NTRK2: variants seen among roughly 807,000 people sequenced by gnomAD.
The protein encoded by NTRK2 is BDNF/NT-3 growth factors receptor.
Under a neutral mutation model 94.5 loss-of-function variants are expected in NTRK2, and 13 were observed. The observed-to-expected ratio is 0.14, with a 90% confidence interval of 0.09 to 0.22. The LOEUF (loss-of-function observed/expected upper bound fraction) is 0.22, where lower values mean the gene tolerates loss of function less well. NTRK2 is among the 10% of genes least tolerant of loss of function. The pLI, the probability that NTRK2 is intolerant of heterozygous loss-of-function variation, is 1.00. For missense variants in NTRK2, 639 were observed against 1,071.2 expected (o/e 0.60, Z 5.63); for synonymous variants, 372 against 407.4 (o/e 0.91, Z 1.05).
At chr9:85,004,712 ATCT>A (rs1830768736) in intron 17 of NTRK2, among the ~76,000 whole-genome samples, 1 of 152,194 alleles carries the variant, frequency 6.6e-6, no homozygotes, top group Non-Finnish European at 1.5e-5. Flanking sequence ...GGGCTATGAG[ATCT>A]TCTCTCTTCT....
chr9:85,021,187 A>C, intron 18 of NTRK2, 65 bp from the exon 19 acceptor site: 2 of 1,444,810 alleles, frequency 1.4e-6, no homozygotes, highest in South Asian at 1.2e-5. Flanking sequence ...GTTTTTTTGC[A>C]CTGACATTTC....
At chr9:84,729,288 A>G (rs552535543) in intron 9 of NTRK2, among the ~76,000 whole-genome samples, 168 of 152,346 alleles carry the variant, frequency 1.1e-3, no homozygotes, top group African/African-American at 3.6e-3. Flanking sequence ...TGATTTATAA[A>G]CAGTAGCCCT....
chr9:84,846,254 A>G (rs1168091393), intron 12 of NTRK2, among the ~76,000 whole-genome samples: 1 of 152,196 alleles, frequency 6.6e-6, no homozygotes, highest in Non-Finnish European at 1.5e-5. Context: ...GAAAGTACAT[A>G]TTTTCGTATT....
chr9:84,896,012 C>G (rs1397086620), intron 14 of NTRK2, among the ~76,000 whole-genome samples: 1 of 152,202 alleles, frequency 6.6e-6, no homozygotes. Flanking sequence ...GAGTAAGCCT[C>G]TCACCCTCTC....
At chr9:84,830,515 G>A (rs1340833062) in intron 12 of NTRK2, among the ~76,000 whole-genome samples, 3 of 150,874 alleles carry the variant, frequency 2.0e-5, no homozygotes, top group Admixed American at 6.6e-5. Flanking sequence ...GTGAGCATGC[G>A]TGTATGTGTA....
intron 9 of NTRK2, among the ~76,000 whole-genome samples, chr9:84,733,701 C>G (rs767460492): frequency 7.9e-5 from 12 of 152,196 alleles, no homozygotes; most frequent in Non-Finnish European, 1.2e-4. Context: ...TGTAAGACAT[C>G]AGCTTCTCAT....
intron 9 of NTRK2, among the ~76,000 whole-genome samples, chr9:84,733,130 C>A (rs78249653): frequency 1.3e-5 from 2 of 152,150 alleles, no homozygotes; most frequent in Non-Finnish European, 2.9e-5. Flanking sequence ...CTGAGCCATC[C>A]GTTTGCAGAG....
chr9:84,797,722 AT>A (rs2069666886), intron 12 of NTRK2, among the ~76,000 whole-genome samples: 2 of 81,382 alleles, frequency 2.5e-5, no homozygotes, highest in East Asian at 3.1e-4. Flanking sequence ...TAATATATAT[AT>A]TATATATTAT....
At chr9:84,689,254 G>A (rs571568178) in intron 2 of NTRK2, among the ~76,000 whole-genome samples, 1 of 152,334 alleles carries the variant, frequency 6.6e-6, no homozygotes, top group Non-Finnish European at 1.5e-5. Context: ...TGTAAATGGC[G>A]CTGGTTCCCT....
chr9:84,986,217 T>C (rs1224605430), intron 17 of NTRK2, among the ~76,000 whole-genome samples: 2 of 152,122 alleles, frequency 1.3e-5, no homozygotes, highest in Admixed American at 1.3e-4. Context: ...CCCTGCTCCA[T>C]ATTCAGACTG....
At chr9:84,669,473 C>T (rs200642995), upstream of NTRK2, 187 of 152,614 alleles carry the variant, frequency 1.2e-3, no homozygotes, top group Non-Finnish European at 2.3e-3. This position sits in a 1 kb window ranked among gnomAD's most constrained non-coding sequence, Gnocchi z 4.1. Flanking sequence ...CACGCACGCG[C>T]GTGCATGTCT....
chr9:84,924,079 G>A, intron 14 of NTRK2, among the ~76,000 whole-genome samples: 1 of 152,026 alleles, frequency 6.6e-6, no homozygotes. Context: ...TGGCGTGGTG[G>A]CACGCATCTG....
chr9:84,817,604 C>A (rs911996042), intron 12 of NTRK2, among the ~76,000 whole-genome samples: 6 of 152,140 alleles, frequency 3.9e-5, no homozygotes, highest in Non-Finnish European at 8.8e-5. Context: ...ATTCAGATTT[C>A]TTTTTATCAT....
intron 12 of NTRK2, among the ~76,000 whole-genome samples, chr9:84,806,240 T>A (rs1350949316): frequency 3.9e-5 from 6 of 152,034 alleles, no homozygotes; most frequent in African/African-American, 1.2e-4. Context: ...CAAAAGAAGG[T>A]CCATGAGTGG....
chr9:85,011,328 G>A (rs1238380288), intron 17 of NTRK2, among the ~76,000 whole-genome samples: 3 of 152,148 alleles, frequency 2.0e-5, no homozygotes, highest in African/African-American at 7.2e-5. Context: ...CCTGAACTGT[G>A]CCAGAATCAG....
intron 12 of NTRK2, among the ~76,000 whole-genome samples, chr9:84,780,756 T>C (rs2067485660): frequency 6.6e-6 from 1 of 152,228 alleles, no homozygotes; most frequent in Admixed American, 6.5e-5. Context: ...TGGTCCATAG[T>C]TCCTACTTGA....
chr9:85,007,115 A>C (rs969621084), intron 17 of NTRK2, among the ~76,000 whole-genome samples: 10 of 152,240 alleles, frequency 6.6e-5, no homozygotes, highest in Non-Finnish European at 1.2e-4. Flanking sequence ...AATAGCAAAC[A>C]TGTAACCTCA....
chr9:84,812,081 A>G (rs1447309215), intron 12 of NTRK2: 6 of 1,060,144 alleles, frequency 5.7e-6, no homozygotes, highest in Non-Finnish European at 6.8e-6. Flanking sequence ...AAATAGTTGC[A>G]CAAATGCTGC....
At chr9:84,886,937 C>T (rs2076434442) in intron 14 of NTRK2, among the ~76,000 whole-genome samples, 2 of 152,176 alleles carry the variant, frequency 1.3e-5, no homozygotes, top group South Asian at 4.1e-4. Context: ...TGTAATTAGT[C>T]AGGCTGATGA....
Sources: gnomAD v4.1 joint callset for allele counts (sites outside exome capture counted in the v4.1 genomes callset) on GRCh38, gnomAD v4.1.1 for gene constraint, Gnocchi (gnomAD v3.1) non-coding constraint, MANE v1.5 for transcripts, NCBI Gene and HGNC (gene_info 2026-07-23, HGNC 2026-07-21) for gene names.